Variants in ESPN observed in about 807,000 individuals in gnomAD.
The protein encoded by ESPN is autosomal recessive deafness type 36 protein.
In ESPN, 68 loss-of-function variants were observed where a neutral mutation model predicts 77.7. That is an observed-to-expected ratio of 0.87 (90% CI 0.72 to 1.07). The LOEUF is 1.07. ESPN is among the 50% of genes least tolerant of loss of function. ESPN has a pLI of 0.00. For synonymous variants in ESPN, 449 were observed against 567.1 expected (o/e 0.79, Z 2.96); for missense variants, 1,060 against 1,239.0 (o/e 0.86, Z 2.17).
Position 6,441,044 on chromosome 1 carries a change from C to T in ESPN, c.969C>T (p.Tyr323=). ...ACGGCCACAGCCACTGCACCCGCTA[C>T]CTGCGCACGGTGGAGAACCTGGTAC... ...DFNGHSHCTR[Y]LRTVENLSVE... is the part of the protein sequence containing the mutation. Residue 323 remains tyrosine (Y), a synonymous_variant, in exon 5 of 13, where the codon TAC becomes TAT. Coordinates refer to ENST00000645284, the MANE Select transcript of ESPN (RefSeq NM_031475.3). 6.2e-7 allele frequency: 1 copy of T among 1,611,588 alleles called. No individual in the cohort carries two copies. Among genetic ancestry groups the T allele is most frequent in the South Asian group, 1.1e-5 (1 of 90,752 alleles).
intron 1 of ESPN, 130 bp downstream of exon 1, chr1:6,425,379 C>A: frequency 8.3e-7 from 1 of 1,207,974 alleles, no homozygotes; most frequent in Non-Finnish European, 1.2e-6. Context: ...CTGCACGGAG[C>A]TCCTTCCAGA....
chr1:6,451,969 A>G lies in ESPN; in HGVS notation c.2198A>G (p.Gln733Arg), dbSNP rs1260451763. ...CCCACTACTCCTGCGCCGGGAGTGC[A>G]GCTGGACGTGGAGGCTCTCATCCCC... ...VPPTTPAPGV[Q>R]LDVEALIPTH... The change falls in exon 10 of 13, where the codon CAG (glutamine) becomes CGG (arginine). Residue 733 changes from glutamine to arginine, a missense_variant. Gln to Arg is a conservative substitution (Grantham distance 43, BLOSUM62 1). Coordinates refer to ENST00000645284, the MANE Select transcript of ESPN (RefSeq NM_031475.3). This position sits in a 1 kb window ranked among gnomAD's most constrained non-coding sequence, Gnocchi z 4.3. 2 of 1,610,358 alleles carry G rather than the reference A, an allele frequency of 1.2e-6. No individual in the cohort carries two copies. Among genetic ancestry groups the G allele is most frequent in the South Asian group, 2.2e-5 (2 of 90,316 alleles).
At chr1:6,461,228 G>A (rs1184617676), downstream of ESPN, 1 of 740,226 alleles carries the variant, frequency 1.4e-6, no homozygotes, top group South Asian at 1.5e-5. The surrounding 1 kb of genome is among the most constrained non-coding windows in gnomAD (Gnocchi z 6.3). Flanking sequence ...GTTGAGAAAT[G>A]TCTTCACCCC....
At chr1:6,434,401 G>T (rs938689736) in intron 2 of ESPN, among the ~76,000 whole-genome samples, 10 of 152,192 alleles carry the variant, frequency 6.6e-5, no homozygotes, top group African/African-American at 2.4e-4. Context: ...GAGGCCAGGG[G>T]CTTTGTCTTC....
chr1:6,439,785 G>A (rs1228168541), intron 2 of ESPN, among the ~76,000 whole-genome samples: 2 of 152,138 alleles, frequency 1.3e-5, no homozygotes, highest in South Asian at 2.1e-4. Context: ...TGAGATGGGC[G>A]GATCACGAGG....
In ESPN at chr1:6,431,732, G is replaced by C. The variant is rs1643263843; in HGVS notation, c.488+3313G>C. Among the ~76,000 whole-genome samples the C allele has an allele frequency of 3.3e-5, 5 of 151,096 alleles. No homozygotes were observed. In the South Asian group the frequency reaches 1.0e-3, roughly 32 times the overall value. On this transcript the variant is annotated intron_variant, in intron 2 of 12. Transcript: ENST00000645284. ...AGAACCTGGTGCTGAGTATCTTCTAGGGGTCTGGCACCACCCAGTGTCATC... is the reference window on the plus strand; with the variant it reads ...AGAACCTGGTGCTGAGTATCTTCTACGGGTCTGGCACCACCCAGTGTCATC...
At chr1:6,442,944 G>A (rs533710746) in intron 5 of ESPN, 4 of 151,630 alleles carry the variant, frequency 2.6e-5, no homozygotes, top group African/African-American at 7.3e-5. Flanking sequence ...CTGAGGCGGC[G>A]GGTGGATCAC....
Position 6,441,062 on chromosome 1 carries a change from C to G in ESPN, c.987C>G (p.Asn329Lys). ...HCTRYLRTVE[N>K]LSVEHRVLSR... ...CCCGCTACCTGCGCACGGTGGAGAACCTGGTACGATCCCTGAGCTGCTCCT... is the reference window on the plus strand; with the variant it reads ...CCCGCTACCTGCGCACGGTGGAGAAGCTGGTACGATCCCTGAGCTGCTCCT... The change falls in exon 5 of 13, where the codon AAC (asparagine) becomes AAG (lysine). Residue 329 changes from asparagine to lysine, a missense_variant. Coordinates refer to ENST00000645284, the MANE Select transcript of ESPN (RefSeq NM_031475.3). 1 of 1,610,976 alleles carries G rather than the reference C, an allele frequency of 6.2e-7. No individual in the cohort carries two copies. The highest frequency in any genetic ancestry group is 8.5e-7 in the Non-Finnish European group (1 of 1,179,402).
At position 6,440,762 on chromosome 1, in the gene ESPN, G is replaced by A. The variant is rs1352171240; in HGVS notation, c.812G>A (p.Trp271Ter). ...GGCGGGGAGATCTCGGCTGACCTGT[G>A]GGGCGGGACCCCGCTGCACGACGCC... ...LHGGEISADL[W>*]GGTPLHDAAE... Residue 271 changes from tryptophan to a stop codon, truncating the protein, a stop_gained, in exon 4 of 13, where the codon TGG becomes TAG. Transcript: ENST00000645284. LOFTEE classifies it high-confidence loss of function. 27 of 1,533,138 alleles carry A rather than the reference G, an allele frequency of 1.8e-5. No homozygotes were observed. Among genetic ancestry groups the A allele is most frequent in the Non-Finnish European group, 2.3e-5 (26 of 1,149,172 alleles). 95.0% of individuals were successfully genotyped at this position (1,533,138 alleles called of 1,614,324 possible).
chr1:6,429,427 C>G (rs956315791), intron 2 of ESPN, among the ~76,000 whole-genome samples: 5 of 152,078 alleles, frequency 3.3e-5, no homozygotes, highest in African/African-American at 1.2e-4. Flanking sequence ...CCAACTGGCT[C>G]CTGTCAGCAC....
rs1643960667 is a variant in ESPN, at chr1:6,452,222, T to G, written c.2325+126T>G. On this transcript the variant is annotated intron_variant, in intron 10 of 12. Coordinates refer to ENST00000645284, the MANE Select transcript of ESPN (RefSeq NM_031475.3). ...TCTTTCTTTTTTTTTTTTCTTTTCT[T>G]GAGACAGAGTCTTGCTCTGTCGCCC... 30 of 1,165,708 alleles carry G rather than the reference T, an allele frequency of 2.6e-5. No homozygotes were observed. In the South Asian group the frequency reaches 4.9e-4, roughly 19 times the overall value. 72.2% of individuals were successfully genotyped at this position (1,165,708 alleles called of 1,614,324 possible).
intron 2 of ESPN, among the ~76,000 whole-genome samples, chr1:6,429,257 A>G (rs111609913): frequency 0.077 from 11,706 of 151,974 alleles, 551 homozygotes; most frequent in African/African-American, 0.13. Flanking sequence ...TCATTAGTCT[A>G]AGTGGGAGCC....
In ESPN at chr1:6,448,879, C is replaced by T. The variant is rs1643897513; in HGVS notation, c.1703C>T (p.Ser568Phe). 9 of 1,316,284 alleles carry T rather than the reference C, an allele frequency of 6.8e-6. No individual in the cohort carries two copies. Among genetic ancestry groups the T allele is most frequent in the Non-Finnish European group, 8.7e-6 (9 of 1,038,652 alleles). The allele number at this position is 1,316,284 out of a possible 1,614,324, so 81.5% of individuals were successfully genotyped here. Residue 568 changes from serine to phenylalanine, a missense_variant, in exon 8 of 13, where the codon TCC (serine) becomes TTC (phenylalanine). This residue lies in a region of ESPN where 130 missense variants were observed against 223.9 expected (regional missense o/e 0.58). Coordinates refer to ENST00000645284, the MANE Select transcript of ESPN (RefSeq NM_031475.3). ...GCCCGCGGCTCACTCGAAGGCCCCT[C>T]CGCTCCCCCGCAGGCGGCGCTGCTT... is the stretch of plus-strand genomic sequence containing the variant. ...PAARGSLEGP[S>F]APPQAALLPG...
chr1:6,456,141 A>G (rs11590620), intron 10 of ESPN: 1 of 399,580 alleles, frequency 2.5e-6, no homozygotes, highest in Non-Finnish European at 4.4e-6. Context: ...CTGCCGCTAC[A>G]TCGACCGCAG....
rs999272433 is a variant in ESPN, at chr1:6,427,381, C to T, written c.295-845C>T. Among the ~76,000 whole-genome samples, 2 of 152,156 alleles carry T rather than the reference C, an allele frequency of 1.3e-5. No individual in the cohort carries two copies. The highest frequency in any genetic ancestry group is 2.4e-5 in the African/African-American group (1 of 41,448). Reference sequence around the variant, plus strand: ...CACAGGTCCTGTAAGCACTCCCCTCCAGCCCCTTTCTCAGCAGACACACAC... The same window carrying T: ...CACAGGTCCTGTAAGCACTCCCCTCTAGCCCCTTTCTCAGCAGACACACAC... On this transcript the variant is annotated intron_variant, in intron 1 of 12. Coordinates refer to ENST00000645284, the MANE Select transcript of ESPN (RefSeq NM_031475.3). The surrounding 1 kb of genome is among the most constrained non-coding windows in gnomAD (Gnocchi z 4.6).
In ESPN at chr1:6,451,598, C is replaced by A; in HGVS notation, c.1916-5C>A. ...GCCAGTGCCTCATCTCCTGCCTCCG[C>A]ATAGGCACCAAGTCTTTCAACATGA... On this transcript the variant is annotated splice_region_variant and splice_polypyrimidine_tract_variant and intron_variant, in intron 8 of 12. Coordinates refer to ENST00000645284, the MANE Select transcript of ESPN (RefSeq NM_031475.3). This position sits in a 1 kb window ranked among gnomAD's most constrained non-coding sequence, Gnocchi z 4.3. The A allele has an allele frequency of 6.2e-7, 1 of 1,612,414 alleles. No individual in the cohort carries two copies. Among genetic ancestry groups the A allele is most frequent in the Non-Finnish European group, 8.5e-7 (1 of 1,179,644 alleles).
At chr1:6,429,631 G>A (rs1425657145) in intron 2 of ESPN, among the ~76,000 whole-genome samples, 1 of 152,184 alleles carries the variant, frequency 6.6e-6, no homozygotes, top group African/African-American at 2.4e-5. Flanking sequence ...TGGCCCAAGT[G>A]TGAACTGGAG....
At chr1:6,435,462 T>G (rs1260987050) in intron 2 of ESPN, among the ~76,000 whole-genome samples, 2 of 152,234 alleles carry the variant, frequency 1.3e-5, no homozygotes, top group Non-Finnish European at 2.9e-5. Flanking sequence ...GATGAATAGT[T>G]ACAGTTCATC....
Position 6,427,312 on chromosome 1 carries a change from C to T in ESPN, c.295-914C>T, listed in dbSNP as rs570614706. Among the ~76,000 whole-genome samples the T allele has an allele frequency of 5.9e-5, 9 of 152,272 alleles. No individual in the cohort carries two copies. Among genetic ancestry groups the T allele is most frequent in the African/African-American group, 1.9e-4 (8 of 41,552 alleles). ...GAACCAGTACCCACTCTGCCAAGTG[C>T]GGCAGCCTCTGTGTCTAGATGTTCC... is the stretch of plus-strand genomic sequence containing the variant. On this transcript the variant is annotated intron_variant, in intron 1 of 12. Coordinates refer to ENST00000645284, the MANE Select transcript of ESPN (RefSeq NM_031475.3). This position sits in a 1 kb window ranked among gnomAD's most constrained non-coding sequence, Gnocchi z 4.6.
Sources: allele counts gnomAD v4.1 joint callset (sites outside exome capture counted in the v4.1 genomes callset), GRCh38; gene constraint gnomAD v4.1.1; regional missense constraint gnomAD v4.1.1; non-coding constraint Gnocchi (gnomAD v3.1); transcripts MANE v1.5; gene names NCBI Gene and HGNC (gene_info 2026-07-23, HGNC 2026-07-21).